Variants in ANKRD44 observed in about 807,000 individuals in gnomAD.
The protein encoded by ANKRD44 is serine/threonine-protein phosphatase 6 regulatory ankyrin repeat subunit B.
In ANKRD44, 35 loss-of-function variants were observed where a neutral mutation model predicts 116.0. The ratio of observed to expected loss-of-function variants is 0.30; its 90% CI spans 0.23 to 0.40. ANKRD44 has a LOEUF of 0.40. Ranked by LOEUF, ANKRD44 falls within the 10% of genes least tolerant of loss-of-function variation. The probability of loss-of-function intolerance (pLI) is 1.00; values close to 1 mark genes in which losing one functional copy is unlikely to be tolerated. For synonymous variants in ANKRD44, 435 were observed against 461.8 expected (o/e 0.94, Z 0.74); for missense variants, 1,014 against 1,242.6 (o/e 0.82, Z 2.77).
Position 197,013,514 on chromosome 2 carries a change from A to T in ANKRD44, c.1921T>A (p.Ser641Thr), listed in dbSNP as rs375716294. The change falls in exon 18 of 28, where the codon TCA becomes ACA. Residue 641 changes from serine to threonine, a missense_variant. Transcript: ENST00000282272. ...NVTKRTPLHASVINGHTLCLR... is the reference protein window; with the variant it reads ...NVTKRTPLHATVINGHTLCLR... ...TCAGGCCCTTGACAAGACCTACCTG[A>T]GGCATGAAGTGGGGTTCTTTTGGTT... 1 of 1,614,090 alleles carries T rather than the reference A, an allele frequency of 6.2e-7. No homozygotes were observed. Among genetic ancestry groups the T allele is most frequent in the African/African-American group, 1.3e-5 (1 of 74,932 alleles).
chr2:197,218,404 A>G (rs2081500073), intron 1 of ANKRD44, among the ~76,000 whole-genome samples: 2 of 152,114 alleles, frequency 1.3e-5, no homozygotes, highest in African/African-American at 4.8e-5. Flanking sequence ...TCTGGATCTT[A>G]GCTGTACCAC....
At chr2:196,993,738 T>C in intron 26 of ANKRD44, 64 bp from the exon 27 acceptor site, 1 of 1,349,062 alleles carries the variant, frequency 7.4e-7, no homozygotes, top group Non-Finnish European at 1.0e-6. Flanking sequence ...GGAATTTTTG[T>C]TAGCCCATGT....
At chr2:197,178,408 C>A (rs567067808) in intron 2 of ANKRD44, among the ~76,000 whole-genome samples, 246 of 151,884 alleles carry the variant, frequency 1.6e-3, no homozygotes, top group Admixed American at 6.0e-3. Context: ...GAGTTCAAGG[C>A]TGCAGTGAGC....
intron 27 of ANKRD44, chr2:196,990,294 A>T (rs1225699706): frequency 1.0e-6 from 1 of 990,152 alleles, no homozygotes; most frequent in Middle Eastern, 5.1e-4. Context: ...CCCAGGGGAC[A>T]TGAATGTCAC....
At chr2:197,000,322 T>A in intron 23 of ANKRD44, 97 bp downstream of exon 23, 1 of 912,300 alleles carries the variant, frequency 1.1e-6, no homozygotes, top group East Asian at 2.5e-5. Context: ...TATCCATTAT[T>A]CTTTCAATTA....
intron 16 of ANKRD44, among the ~76,000 whole-genome samples, chr2:197,043,372 T>G (rs12990099): frequency 0.58 from 88,168 of 151,784 alleles, 28,806 homozygotes; most frequent in East Asian, 0.84. Context: ...TTGACAAGGC[T>G]TTTTAAAAAT....
At chr2:197,293,512 A>G (rs2083628920) in intron 1 of ANKRD44, among the ~76,000 whole-genome samples, 3 of 152,214 alleles carry the variant, frequency 2.0e-5, no homozygotes, top group Admixed American at 1.3e-4. Flanking sequence ...ACACACATCT[A>G]AAGATTAGGC....
At chr2:197,000,892 G>A (rs1037106617) in intron 22 of ANKRD44, among the ~76,000 whole-genome samples, 3 of 152,280 alleles carry the variant, frequency 2.0e-5, no homozygotes, top group Admixed American at 1.3e-4. Flanking sequence ...ACAAAAATTA[G>A]CCAGGCGTGG....
At chr2:197,083,597 G>T in intron 13 of ANKRD44, 88 bp from the exon 14 acceptor site, 1 of 1,444,200 alleles carries the variant, frequency 6.9e-7, no homozygotes, top group South Asian at 1.4e-5. Context: ...TATGCCTAGG[G>T]CATGGAAAGC....
chr2:197,208,873 A>C (rs2081266383), intron 1 of ANKRD44, among the ~76,000 whole-genome samples: 1 of 152,176 alleles, frequency 6.6e-6, no homozygotes, highest in African/African-American at 2.4e-5. Flanking sequence ...TCTAATGGTA[A>C]GCTTGGAGAA....
intron 4 of ANKRD44, among the ~76,000 whole-genome samples, chr2:197,130,865 G>A (rs559119630): frequency 1.7e-4 from 26 of 152,292 alleles, no homozygotes; most frequent in Non-Finnish European, 2.9e-4. Flanking sequence ...GCTCAGCTCT[G>A]GGAAAGATCT....
chr2:197,051,135 G>T (rs1445040105), intron 16 of ANKRD44, among the ~76,000 whole-genome samples: 1 of 151,246 alleles, frequency 6.6e-6, no homozygotes, highest in Admixed American at 6.6e-5. Flanking sequence ...GCTAATTTTT[G>T]TATTTTTTAG....
At chr2:197,099,795 C>T (rs1301331146) in intron 10 of ANKRD44, 21 bp downstream of exon 10, 24 of 1,612,800 alleles carry the variant, frequency 1.5e-5, no homozygotes, top group Middle Eastern at 1.6e-4. Flanking sequence ...ATTATTCCAC[C>T]GTATTTTTGC....
chr2:196,999,577 T>TATTA (rs2076077069), intron 23 of ANKRD44, among the ~76,000 whole-genome samples: 1 of 148,576 alleles, frequency 6.7e-6, no homozygotes, highest in Non-Finnish European at 1.5e-5. Context: ...TTTATTTATT[T>TATTA]ATTTATTTAT....
At chr2:197,020,315 G>A (rs2076472574) in intron 17 of ANKRD44, among the ~76,000 whole-genome samples, 3 of 152,116 alleles carry the variant, frequency 2.0e-5, no homozygotes, top group Admixed American at 2.0e-4. Flanking sequence ...AATTAGGAAA[G>A]CTTTAAAATT....
chr2:197,046,522 CCTGTTGT>C (rs986052070), intron 16 of ANKRD44, among the ~76,000 whole-genome samples: 4 of 151,904 alleles, frequency 2.6e-5, no homozygotes, highest in African/African-American at 9.7e-5. Flanking sequence ...CTCCCAGGAG[CCTGTTGT>C]TACAGAACCC....
At chr2:196,997,349 A>C (rs2076030969) in intron 25 of ANKRD44, among the ~76,000 whole-genome samples, 1 of 151,704 alleles carries the variant, frequency 6.6e-6, no homozygotes, top group Non-Finnish European at 1.5e-5. Context: ...GATGTTTAAA[A>C]GATATTAATA....
intron 16 of ANKRD44, among the ~76,000 whole-genome samples, chr2:197,034,244 C>G (rs2076766566): frequency 2.0e-5 from 3 of 151,996 alleles, no homozygotes; most frequent in Admixed American, 6.6e-5. Flanking sequence ...GAATACATGG[C>G]CAAAGAACCA....
At chr2:197,112,891 A>T (rs1029579393) in intron 8 of ANKRD44, among the ~76,000 whole-genome samples, 1 of 152,078 alleles carries the variant, frequency 6.6e-6, no homozygotes, top group Non-Finnish European at 1.5e-5. Flanking sequence ...ATTTTATTAT[A>T]TTCTATAAGT....
Sources: gnomAD v4.1 joint callset for allele counts (sites outside exome capture counted in the v4.1 genomes callset) on GRCh38, gnomAD v4.1.1 for gene constraint, MANE v1.5 for transcripts, NCBI Gene and HGNC (gene_info 2026-07-23, HGNC 2026-07-21) for gene names.